The following TRPM2 variants were observed in gnomAD, a reference collection of about 807,000 sequenced individuals.
The protein encoded by TRPM2 is estrogen-responsive element-associated gene 1 protein.
In TRPM2, 161 loss-of-function variants were observed where a neutral mutation model predicts 174.0. The observed-to-expected ratio is 0.93, with a 90% CI of 0.81 to 1.05. The LOEUF is 1.05. TRPM2 is among the 50% of genes least tolerant of loss of function. The pLI is 0.00. For missense variants in TRPM2, 2,057 were observed against 2,038.0 expected, an observed-to-expected ratio of 1.01 and a Z score of -0.18; for synonymous variants, 954 against 861.3, an observed-to-expected ratio of 1.11 and a Z score of -1.88.
chr21:44,431,723 G>A (rs550990024), intron 27 of TRPM2, among the ~76,000 whole-genome samples: 65 of 152,160 alleles, frequency 4.3e-4, no homozygotes, highest in African/African-American at 4.3e-4. Context: ...TGATCCGCCC[G>A]CCTTGGCCTC....
intron 22 of TRPM2, among the ~76,000 whole-genome samples, chr21:44,421,187 G>A (rs927912572): frequency 1.3e-5 from 2 of 152,116 alleles, no homozygotes; most frequent in Non-Finnish European, 2.9e-5. Flanking sequence ...GTGTGGTGGC[G>A]TGCGCTTGTA....
chr21:44,354,277 CCAGG>C lies in TRPM2; in HGVS notation c.166-362_166-359del, dbSNP rs1193376420. On this transcript the variant is annotated intron_variant, in intron 1 of 31. Coordinates refer to ENST00000397928, the MANE Select transcript of TRPM2 (RefSeq NM_003307.4). The surrounding 1 kb of genome is among the most constrained non-coding windows in gnomAD (Gnocchi z 4.3). ...CACATGGCATCTTGCAGTCCCCTTG[CCAGG>C]CAGGCAGGAGGGTGGCTGCCCTTTT... Among the ~76,000 whole-genome samples the C allele has an allele frequency of 6.6e-6, 1 of 152,194 alleles. No individual in the cohort carries two copies. Among genetic ancestry groups the C allele is most frequent in the African/African-American group, 2.4e-5 (1 of 41,450 alleles).
chr21:44,375,841 C>G lies in TRPM2; in HGVS notation c.780C>G (p.Phe260Leu). 1 of 1,611,566 alleles carries G rather than the reference C, an allele frequency of 6.2e-7. No individual in the cohort carries two copies. Among genetic ancestry groups the G allele is most frequent in the Non-Finnish European group, 8.5e-7 (1 of 1,178,126 alleles). The change falls in exon 6 of 32, where the codon TTC (phenylalanine) becomes TTG (leucine). Residue 260 changes from phenylalanine (F) to leucine (L), a missense_variant. By Grantham distance (22) the Phe-to-Leu change is conservative. Transcript: ENST00000397928. ...REGLIHPTGS[F>L]PAEYILDEDG... ...CTTCCTGGCCATCCCAGGGCAGCTT[C>G]CCCGCCGAGTACATACTGGATGAGG...
intron 27 of TRPM2, among the ~76,000 whole-genome samples, chr21:44,428,143 T>C (rs559743868): frequency 1.3e-5 from 2 of 152,178 alleles, no homozygotes; most frequent in East Asian, 1.9e-4. Flanking sequence ...TTGCGAATCA[T>C]ATTTTCATTA....
chr21:44,425,461 C>A, intron 24 of TRPM2: 1 of 498,780 alleles, frequency 2.0e-6, no homozygotes, highest in Non-Finnish European at 3.4e-6. Context: ...CAGGTGCCGG[C>A]GGGGACGCTG....
chr21:44,370,321 G>A (rs915191073), intron 5 of TRPM2, among the ~76,000 whole-genome samples: 1 of 152,136 alleles, frequency 6.6e-6, no homozygotes, highest in Non-Finnish European at 1.5e-5. Context: ...CTGTGCTGTG[G>A]TCCCTGGCAG....
Position 44,441,945 on chromosome 21 carries a change from C to A in TRPM2, c.*128C>A. The A allele has an allele frequency of 7.6e-7, 1 of 1,321,860 alleles. No individual in the cohort carries two copies. Among genetic ancestry groups the A allele is most frequent in the Non-Finnish European group, 9.8e-7 (1 of 1,016,444 alleles). The allele number at this position is 1,321,860 out of a possible 1,614,324, so 81.9% of individuals were successfully genotyped here. A position where few individuals can be genotyped will look rare whatever the true frequency, so the allele number is the denominator to read the frequency against. On this transcript the variant is annotated 3_prime_UTR_variant, in exon 32 of 32. Coordinates refer to ENST00000397928, the MANE Select transcript of TRPM2 (RefSeq NM_003307.4). ...TGCACATGATGGGGTTTGGTGGACC[C>A]AGTGCCCCTCACGGCTGCCGCAAGT...
At chr21:44,418,598 G>T (rs1335639334) in intron 22 of TRPM2, 43 bp downstream of exon 22, 20 of 1,609,732 alleles carry the variant, frequency 1.2e-5, no homozygotes, top group Non-Finnish European at 1.6e-5. Flanking sequence ...AGCCTCTGGG[G>T]GACCTCCTGC....
At chr21:44,383,650 G>C (rs920087593) in intron 9 of TRPM2, among the ~76,000 whole-genome samples, 24 of 151,690 alleles carry the variant, frequency 1.6e-4, no homozygotes, top group Non-Finnish European at 2.4e-4. Context: ...ATAGATTTAA[G>C]ATAGATATTA....
chr21:44,429,772 A>G (rs762196790), intron 27 of TRPM2, among the ~76,000 whole-genome samples: 4 of 152,196 alleles, frequency 2.6e-5, no homozygotes, highest in Non-Finnish European at 4.4e-5. Flanking sequence ...CCTTACAATA[A>G]TCATGCCTCA....
rs780332546 is a variant in TRPM2, at chr21:44,405,136, C to T, written c.2539-6C>T. The stretch of plus-strand genomic sequence containing the variant: ...TCTGCCTTCCTACCGCCCCTCTTCC[C>T]AGTAGCTCTTCTATGACCCTGACGA... On this transcript the variant is annotated splice_polypyrimidine_tract_variant and splice_region_variant and intron_variant, in intron 16 of 31. Coordinates refer to ENST00000397928, the MANE Select transcript of TRPM2 (RefSeq NM_003307.4). The T allele has an allele frequency of 4.3e-6, 7 of 1,613,212 alleles. No individual in the cohort carries two copies. The South Asian group carries it at 5.5e-5, about 13-fold the overall frequency.
chr21:44,372,395 C>T (rs760539871), intron 5 of TRPM2, among the ~76,000 whole-genome samples: 1 of 150,546 alleles, frequency 6.6e-6, no homozygotes, highest in Non-Finnish European at 1.5e-5. Flanking sequence ...ACTGGGAGGC[C>T]AAGGCAGGAG....
intron 14 of TRPM2, 43 bp from the exon 15 acceptor site, chr21:44,400,216 A>G (rs2049568815): frequency 6.4e-7 from 1 of 1,556,784 alleles, no homozygotes; most frequent in East Asian, 2.3e-5. Context: ...CATCTGGGGC[A>G]CAGGGCTGGG....
Position 44,366,909 on chromosome 21 carries a change from C to G in TRPM2, c.579C>G (p.Gly193=). 2.5e-6 allele frequency: 4 copies of G among 1,606,052 alleles called. No homozygotes were observed. Among genetic ancestry groups the G allele is most frequent in the Non-Finnish European group, 3.4e-6 (4 of 1,175,134 alleles). ...KPRLKSIFRR[G]LVKVAQTTGA... ...GGCTGAAGAGCATTTTCCGCAGAGGCCTGGTCAAGGTGGCTCAGACCACAG... is the reference window on the plus strand; with the variant it reads ...GGCTGAAGAGCATTTTCCGCAGAGGGCTGGTCAAGGTGGCTCAGACCACAG... Residue 193 remains glycine (G), a synonymous_variant, in exon 4 of 32, where the codon GGC becomes GGG. Coordinates refer to ENST00000397928, the MANE Select transcript of TRPM2 (RefSeq NM_003307.4). The surrounding 1 kb of genome is among the most constrained non-coding windows in gnomAD (Gnocchi z 6.0).
At chr21:44,357,753 C>T (rs770298034) in intron 2 of TRPM2, among the ~76,000 whole-genome samples, 15 of 152,250 alleles carry the variant, frequency 9.9e-5, no homozygotes, top group Non-Finnish European at 1.8e-4. Flanking sequence ...TCCTAGCAGT[C>T]AGGGGACGGA....
intron 16 of TRPM2, among the ~76,000 whole-genome samples, chr21:44,404,277 TATGTGCATACAC>T (rs2049772619): frequency 1.3e-5 from 2 of 151,130 alleles, no homozygotes; most frequent in Non-Finnish European, 2.9e-5. Flanking sequence ...CATGCAAATG[TATGTGCATACAC>T]ATATACATGC....
chr21:44,414,181 C>G, intron 20 of TRPM2, 107 bp downstream of exon 20: 2 of 1,402,520 alleles, frequency 1.4e-6, no homozygotes, highest in Non-Finnish European at 2.0e-6. Context: ...GGATGATGGG[C>G]TGGTGCACAG....
At chr21:44,436,536 T>G (rs2051275219) in intron 28 of TRPM2, among the ~76,000 whole-genome samples, 1 of 97,102 alleles carries the variant, frequency 1.0e-5, no homozygotes, top group Non-Finnish European at 2.0e-5. Context: ...GCACCCCATG[T>G]GACCCCCAGG....
intron 16 of TRPM2, among the ~76,000 whole-genome samples, chr21:44,404,444 A>C (rs1226723795): frequency 6.6e-6 from 1 of 152,240 alleles, no homozygotes; most frequent in Non-Finnish European, 1.5e-5. Context: ...GAATATATGT[A>C]CATACACATA....
Sources: allele counts gnomAD v4.1 joint callset (sites outside exome capture counted in the v4.1 genomes callset), GRCh38; gene constraint gnomAD v4.1.1; non-coding constraint Gnocchi (gnomAD v3.1); transcripts MANE v1.5; gene names NCBI Gene and HGNC (gene_info 2026-07-23, HGNC 2026-07-21).